UMODL1: variants seen among roughly 807,000 people sequenced by gnomAD.
UMODL1 encodes the protein uromodulin like 1, also known as uromodulin-like 1.
A neutral mutation model predicts 136.3 loss-of-function variants in UMODL1; 128 were observed. The observed-to-expected ratio is 0.94, with a 90% confidence interval of 0.81 to 1.09. The LOEUF (loss-of-function observed/expected upper bound fraction) is 1.09. Among genes scored for constraint, UMODL1 ranks in the 50% least tolerant of loss-of-function variants. The pLI, the probability that UMODL1 is intolerant of heterozygous loss-of-function variation, is 0.00. For synonymous variants in UMODL1, 721 were observed against 720.0 expected (o/e 1.00, Z -0.02); for missense variants, 1,766 against 1,725.6 (o/e 1.02, Z -0.41).
intron 2 of UMODL1, among the ~76,000 whole-genome samples, chr21:42,079,522 C>A (rs2066335563): frequency 6.6e-6 from 1 of 152,298 alleles, no homozygotes; most frequent in East Asian, 1.9e-4. Flanking sequence ...AACCTGTGGG[C>A]CCTGAGCCCC....
chr21:42,137,260 C>T (rs549690488), intron 21 of UMODL1, among the ~76,000 whole-genome samples, 179 bp from the exon 22 acceptor site: 4 of 152,388 alleles, frequency 2.6e-5, no homozygotes, highest in South Asian at 4.1e-4. Context: ...TACTGCAATG[C>T]TGTCCTGGGC....
chr21:42,139,154 T>G (rs1287785517), intron 22 of UMODL1, among the ~76,000 whole-genome samples: 1 of 152,020 alleles, frequency 6.6e-6, no homozygotes, highest in East Asian at 1.9e-4. Flanking sequence ...GAACCCTGCC[T>G]CAAAAATAAA....
chr21:42,102,092 G>A (rs565997994), intron 7 of UMODL1, 74 bp from the exon 8 acceptor site: 1 of 1,153,750 alleles, frequency 8.7e-7, no homozygotes, highest in Admixed American at 2.0e-5. Flanking sequence ...CAAAGAGTAG[G>A]CTTCATGGAA....
rs745673007 is a variant in UMODL1, at chr21:42,088,250, G to A, written c.604-44G>A. 2.4e-5 allele frequency: 38 copies of A among 1,588,964 alleles called. 1 individual carries two copies. The highest frequency in any genetic ancestry group is 7.8e-5 in the South Asian group (7 of 89,948). Reference sequence around the variant, plus strand: ...GCCTCAGTCTCCTCGTCTGTCTGACGGGGTGTCCTTCTGCTGTGTGACACT... The same window carrying A: ...GCCTCAGTCTCCTCGTCTGTCTGACAGGGTGTCCTTCTGCTGTGTGACACT... On this transcript the variant is annotated intron_variant, in intron 4 of 22. Transcript: ENST00000408910.
chr21:42,084,521 G>C (rs779486310), intron 3 of UMODL1, among the ~76,000 whole-genome samples: 2 of 152,206 alleles, frequency 1.3e-5, no homozygotes, highest in African/African-American at 4.8e-5. Flanking sequence ...TTCCCAGTTT[G>C]CCTGGAGAGG....
rs772428974 is a variant in UMODL1 at position 42,119,324 on chromosome 21, G to A, written c.2689G>A (p.Asp897Asn). The part of the protein sequence containing the change: ...EVIRGDTFIQ[D>N]YDECERKEDD... ...GATCAGAGGCGACACCTTCATACAG[G>A]GTACGAGAGGCTGGGATGGAGCCTC... Residue 897 changes from aspartate to asparagine, a missense_variant and splice_region_variant, in exon 15 of 23, where the codon GAT (aspartate) becomes AAT (asparagine). By Grantham distance (23) the Asp-to-Asn change is conservative (BLOSUM62 1). Transcript: ENST00000408910. The A allele has an allele frequency of 9.3e-6, 15 of 1,613,292 alleles. No individual in the cohort carries two copies. The Admixed American group carries it at 1.3e-4, about 14-fold the overall frequency.
intron 2 of UMODL1, among the ~76,000 whole-genome samples, chr21:42,078,390 A>G (rs111550085): frequency 3.2e-5 from 1 of 30,960 alleles, no homozygotes; most frequent in African/African-American, 2.5e-4. Context: ...ACCAACAGAA[A>G]CCAGGCGGGG....
chr21:42,129,634 G>A (rs940239313), intron 20 of UMODL1, 79 bp from the exon 21 acceptor site: 10 of 1,306,772 alleles, frequency 7.7e-6, no homozygotes, highest in African/African-American at 6.0e-5. Flanking sequence ...CATCACATTA[G>A]CATCCTTGAT....
intron 7 of UMODL1, among the ~76,000 whole-genome samples, chr21:42,101,498 G>A (rs1425548442): frequency 1.3e-5 from 2 of 152,198 alleles, no homozygotes; most frequent in Non-Finnish European, 2.9e-5. Flanking sequence ...AGCTGCAGGT[G>A]GCTGTTAGAT....
rs543307155 is a variant in UMODL1, at chr21:42,137,651, G to A, written c.*21+10G>A. On this transcript the variant is annotated intron_variant, in intron 22 of 22. Transcript: ENST00000408910. ...GCAGGCTGACAGGAAGGTGGGTGCG[G>A]AGTGGGGTGGGAGGTGCAGGCTGAC... is the stretch of plus-strand genomic sequence containing the variant. 1.6e-6 allele frequency: 1 copy of A among 639,248 alleles called. No individual in the cohort carries two copies. Among genetic ancestry groups the A allele is most frequent in the Admixed American group, 4.1e-5 (1 of 24,212 alleles). The allele number at this position is 639,248 out of a possible 1,614,324, so 39.6% of individuals were successfully genotyped here. A position where few individuals can be genotyped will look rare whatever the true frequency, so the allele number is the denominator to read the frequency against.
rs147262775 is a variant in UMODL1, at chr21:42,140,830, C to T, written c.*22-1266C>T. Among the ~76,000 whole-genome samples, 57 of 152,186 alleles carry T rather than the reference C, an allele frequency of 3.7e-4. 4 individuals carry two copies. In the East Asian group the frequency reaches 9.5e-3, roughly 25 times the overall value. ...ATCCCAAAGGGGCAGGGAACAACAG[C>T]GAAGTTTCAGTTCAACTTTACACTC... On this transcript the variant is annotated intron_variant, in intron 22 of 22. Transcript: ENST00000408910.
chr21:42,122,680 T>C lies in UMODL1; in HGVS notation c.2828-151T>C, dbSNP rs560446384. 178 of 660,154 alleles carry C rather than the reference T, an allele frequency of 2.7e-4. No individual in the cohort carries two copies. The highest frequency in any genetic ancestry group is 4.2e-4 in the Middle Eastern group (1 of 2,362). 40.9% of individuals were successfully genotyped at this position (660,154 alleles called of 1,614,324 possible). ...ATGTGTGCGTGTGTGTGTGTGTGTG[T>C]GCACGTGTGTAGTTGTGGCTGGAAC... On this transcript the variant is annotated intron_variant, in intron 16 of 22. Transcript: ENST00000408910. This position sits in a 1 kb window ranked among gnomAD's most constrained non-coding sequence, Gnocchi z 4.3.
intron 2 of UMODL1, among the ~76,000 whole-genome samples, chr21:42,078,136 A>C (rs2066317045): frequency 1.3e-5 from 2 of 150,004 alleles, no homozygotes; most frequent in Non-Finnish European, 1.5e-5. Flanking sequence ...CATCACCAAC[A>C]GAAACCAGGC....
Position 42,127,818 on chromosome 21 carries a change from C to T in UMODL1, c.3677C>T (p.Ala1226Val). 1 of 1,612,072 alleles carries T rather than the reference C, an allele frequency of 6.2e-7. No individual in the cohort carries two copies. The highest frequency in any genetic ancestry group is 1.1e-5 in the South Asian group (1 of 90,474). The change falls in exon 20 of 23, where the codon GCC becomes GTC. Residue 1226 changes from alanine (A) to valine (V), a missense_variant. Physicochemically the swap from Ala to Val is moderately conservative, Grantham distance 64 (BLOSUM62 0). Coordinates refer to ENST00000408910, the MANE Select transcript of UMODL1 (RefSeq NM_001004416.3). ...CGCGTCTGCATGGAATCCCCCGGAG[C>T]CACGTGCAAAATCGTAAGTGTTTTT... ...KLRVCMESPG[A>V]TCKINCNNFR... is the part of the protein sequence containing the mutation.
upstream of UMODL1, among the ~76,000 whole-genome samples, chr21:42,067,419 A>G (rs2066191863): frequency 6.6e-6 from 1 of 152,250 alleles, no homozygotes; most frequent in South Asian, 2.1e-4. Flanking sequence ...AGGAGGCATT[A>G]AAACACCATT....
At chr21:42,101,560 G>A (rs1052086942) in intron 7 of UMODL1, 22 of 369,960 alleles carry the variant, frequency 5.9e-5, no homozygotes, top group African/African-American at 3.4e-4. Context: ...GCCCGCCGAC[G>A]CTTGGGTTGT....
intron 6 of UMODL1, among the ~76,000 whole-genome samples, chr21:42,095,090 T>G (rs13050317): frequency 0.01 from 396 of 38,664 alleles, 5 homozygotes; most frequent in South Asian, 0.023. Flanking sequence ...TCTTCTGCTG[T>G]TTTTTTTTTT....
At chr21:42,133,050 G>A (rs947526523) in intron 21 of UMODL1, among the ~76,000 whole-genome samples, 14 of 152,202 alleles carry the variant, frequency 9.2e-5, no homozygotes, top group Admixed American at 3.3e-4. Flanking sequence ...TATTCATGTT[G>A]TTCAACATTC....
chr21:42,113,900 C>A, intron 13 of UMODL1, 70 bp downstream of exon 13: 1 of 1,542,508 alleles, frequency 6.5e-7, no homozygotes, highest in Non-Finnish European at 8.8e-7. Context: ...TGGGTTAAGG[C>A]TTAAGAGAGC....
Sources: allele counts gnomAD v4.1 joint callset (sites outside exome capture counted in the v4.1 genomes callset), GRCh38; gene constraint gnomAD v4.1.1; non-coding constraint Gnocchi (gnomAD v3.1); transcripts MANE v1.5; gene names NCBI Gene and HGNC (gene_info 2026-07-23, HGNC 2026-07-21).